The following CPNE4 variants were observed in gnomAD, a reference collection of about 807,000 sequenced individuals.
CPNE4 encodes the protein copine 4.
Under a neutral mutation model 67.9 loss-of-function variants are expected in CPNE4, and 25 were observed. The observed-to-expected ratio is 0.37, with a 90% CI of 0.27 to 0.51. The LOEUF is 0.51. Among genes scored for constraint, CPNE4 ranks in the 20% least tolerant of loss-of-function variants. The pLI is 0.93. For missense variants in CPNE4, 464 were observed against 690.8 expected (o/e 0.67, Z 3.68); for synonymous variants, 242 against 244.9 (o/e 0.99, Z 0.11).
intron 6 of CPNE4, among the ~76,000 whole-genome samples, chr3:131,682,202 A>C (rs1321097363): frequency 6.6e-6 from 1 of 152,052 alleles, no homozygotes; most frequent in African/African-American, 2.4e-5. Context: ...GATATTCACC[A>C]GTATATCTGG....
intron 12 of CPNE4, among the ~76,000 whole-genome samples, chr3:131,553,850 A>G (rs1936317737): frequency 6.6e-6 from 1 of 152,078 alleles, no homozygotes; most frequent in South Asian, 2.1e-4. Context: ...TGCTCAAATC[A>G]TCAGTGCTTG....
At chr3:131,952,957 C>T (rs576519096) in intron 1 of CPNE4, among the ~76,000 whole-genome samples, 59 of 152,154 alleles carry the variant, frequency 3.9e-4, no homozygotes, top group African/African-American at 1.4e-3. Flanking sequence ...ACCCTGTGCT[C>T]TCTGAAACAT....
intron 1 of CPNE4, among the ~76,000 whole-genome samples, chr3:131,953,042 AGCAT>A: frequency 6.6e-6 from 1 of 152,060 alleles, no homozygotes. Context: ...GCTTGAAGGC[AGCAT>A]GCTCGTTAAG....
intron 10 of CPNE4, among the ~76,000 whole-genome samples, chr3:131,570,857 C>A (rs969783937): frequency 1.3e-5 from 2 of 152,006 alleles, no homozygotes; most frequent in Non-Finnish European, 2.9e-5. Flanking sequence ...TTTTTAGCAT[C>A]ATTTATCTCT....
chr3:131,600,235 G>T (rs1271158535), intron 7 of CPNE4, among the ~76,000 whole-genome samples: 1 of 152,124 alleles, frequency 6.6e-6, no homozygotes, highest in Non-Finnish European at 1.5e-5. Flanking sequence ...ATGGGTTAAT[G>T]CTTCATGTGA....
chr3:131,867,525 T>TG (rs67354488), intron 2 of CPNE4, among the ~76,000 whole-genome samples: 159 of 123,026 alleles, frequency 1.3e-3, no homozygotes, highest in Middle Eastern at 4.3e-3. Context: ...GGCATGCGGG[T>TG]GGGGGGTCTC....
At chr3:131,537,283 G>GT (rs756997599) in intron 15 of CPNE4, among the ~76,000 whole-genome samples, 15,662 of 123,804 alleles carry the variant, frequency 0.13, 1,380 homozygotes, top group African/African-American at 0.21. Context: ...TTTCTTTTCT[G>GT]TTTTTTTTTT....
At chr3:131,582,883 G>A (rs1340494830) in intron 8 of CPNE4, among the ~76,000 whole-genome samples, 2 of 152,318 alleles carry the variant, frequency 1.3e-5, no homozygotes, top group East Asian at 3.9e-4. Context: ...ACTATGTGAA[G>A]CAGAGAAGAA....
intron 1 of CPNE4, among the ~76,000 whole-genome samples, chr3:131,942,034 T>C (rs2071402752): frequency 6.6e-6 from 1 of 152,040 alleles, no homozygotes; most frequent in African/African-American, 2.4e-5. Flanking sequence ...TTGCAATGAA[T>C]AAATAAATTT....
At chr3:131,756,663 C>CAA (rs1287939393) in intron 2 of CPNE4, among the ~76,000 whole-genome samples, 4 of 152,154 alleles carry the variant, frequency 2.6e-5, no homozygotes, top group African/African-American at 9.7e-5. Flanking sequence ...GGCACTGGGC[C>CAA]ATTAGTGACA....
At chr3:131,811,265 T>C (rs1214740270) in intron 2 of CPNE4, among the ~76,000 whole-genome samples, 2 of 152,100 alleles carry the variant, frequency 1.3e-5, no homozygotes, top group Non-Finnish European at 2.9e-5. Flanking sequence ...CATATATTTA[T>C]GGTCTTGATG....
intron 3 of CPNE4, among the ~76,000 whole-genome samples, chr3:131,718,745 T>A (rs1342076488): frequency 6.6e-6 from 1 of 152,250 alleles, no homozygotes; most frequent in Non-Finnish European, 1.5e-5. Context: ...CAGATAATTA[T>A]AAGCTTTTCT....
intron 1 of CPNE4, among the ~76,000 whole-genome samples, chr3:131,986,342 A>G (rs2073040817): frequency 2.0e-5 from 3 of 152,326 alleles, no homozygotes; most frequent in South Asian, 4.1e-4. Context: ...ATGACATTGT[A>G]TATAGTTGGA....
At chr3:131,705,599 T>C (rs1388709271) in intron 3 of CPNE4, among the ~76,000 whole-genome samples, 3 of 152,188 alleles carry the variant, frequency 2.0e-5, no homozygotes, top group Non-Finnish European at 4.4e-5. Flanking sequence ...CATGTGTGTC[T>C]ACATTTTATG....
chr3:131,746,401 G>C (rs1008042772), intron 2 of CPNE4, among the ~76,000 whole-genome samples: 3 of 151,992 alleles, frequency 2.0e-5, no homozygotes, highest in African/African-American at 7.2e-5. Context: ...TGTACTTGCT[G>C]AACAATCTCT....
intron 2 of CPNE4, among the ~76,000 whole-genome samples, chr3:131,901,676 A>G (rs2088556515): frequency 6.6e-6 from 1 of 152,000 alleles, no homozygotes; most frequent in Non-Finnish European, 1.5e-5. Flanking sequence ...AGGGCTGGAA[A>G]TGTTGCCTAG....
rs981398939 is a variant in CPNE4, at chr3:131,734,652, G to A, written c.181-11027C>T. ...TGTAATCCCAGCACTTTGGGAGGCC[G>A]AGGCAGCCAGATCCCTTGAGCCCAG... On this transcript the variant is annotated intron_variant, in intron 2 of 15. Coordinates refer to ENST00000429747, the MANE Select transcript of CPNE4 (RefSeq NM_130808.3). Among the ~76,000 whole-genome samples, 7 of 152,048 alleles carry A rather than the reference G, an allele frequency of 4.6e-5. No homozygotes were observed. The East Asian group carries it at 5.8e-4, about 13-fold the overall frequency.
chr3:131,815,821 C>G (rs774625810), intron 2 of CPNE4, among the ~76,000 whole-genome samples: 1 of 152,134 alleles, frequency 6.6e-6, no homozygotes, highest in Non-Finnish European at 1.5e-5. Context: ...CCACAGACAT[C>G]TGGGTATCAG....
At chr3:131,690,257 C>T (rs1364248307) in intron 5 of CPNE4, among the ~76,000 whole-genome samples, 1 of 152,024 alleles carries the variant, frequency 6.6e-6, no homozygotes, top group African/African-American at 2.4e-5. Flanking sequence ...AAGAACAAAG[C>T]CAGAGGCATC....
Sources: allele counts gnomAD v4.1 joint callset (sites outside exome capture counted in the v4.1 genomes callset), GRCh38; gene constraint gnomAD v4.1.1; transcripts MANE v1.5; gene names NCBI Gene and HGNC (gene_info 2026-07-23, HGNC 2026-07-21).